The following PLD2 variants were observed in gnomAD, a reference collection of about 807,000 sequenced individuals.
PLD2 encodes choline phosphatase 2.
In PLD2, 101 loss-of-function variants were observed where a neutral mutation model predicts 119.8. The observed-to-expected ratio is 0.84, with a 90% CI of 0.72 to 0.99. The LOEUF (loss-of-function observed/expected upper bound fraction) is 0.99. Among genes scored for constraint, PLD2 ranks in the 50% least tolerant of loss-of-function variants. The probability of loss-of-function intolerance (pLI) is 0.00; values close to 1 mark genes in which losing one functional copy is unlikely to be tolerated. For synonymous variants in PLD2, 494 were observed against 482.8 expected, an observed-to-expected ratio of 1.02 and a Z score of -0.30; for missense variants, 1,164 against 1,226.8, an observed-to-expected ratio of 0.95 and a Z score of 0.76.
At chr17:4,822,457 A>G (rs1232047583) in intron 24 of PLD2, among the ~76,000 whole-genome samples, 183 bp from the exon 25 acceptor site, 3 of 150,972 alleles carry the variant, frequency 2.0e-5, no homozygotes, top group Non-Finnish European at 4.4e-5. Flanking sequence ...GCACCATTGC[A>G]CTCCAGCCTG....
At chr17:4,816,286 G>A (rs936205915) in intron 14 of PLD2, among the ~76,000 whole-genome samples, 2 of 151,946 alleles carry the variant, frequency 1.3e-5, no homozygotes, top group African/African-American at 4.8e-5. Context: ...GGGAGGCTGA[G>A]GCAGGAGAAT....
Position 4,823,107 on chromosome 17 carries a change from A to T in PLD2, c.*243A>T, listed in dbSNP as rs867903526. 2.0e-6 allele frequency: 1 copy of T among 493,162 alleles called. No individual in the cohort carries two copies. The highest frequency in any genetic ancestry group is 3.6e-6 in the Non-Finnish European group (1 of 277,184). 30.5% of individuals were successfully genotyped at this position (493,162 alleles called of 1,614,324 possible). A position where few individuals can be genotyped will look rare whatever the true frequency, so the allele number is the denominator to read the frequency against. Reference sequence around the variant, plus strand: ...CTCATCCCCCCTGCTGCCCAGTGCAAACCACTTCTCCATGCTGCAAAGGAG... The same window carrying T: ...CTCATCCCCCCTGCTGCCCAGTGCATACCACTTCTCCATGCTGCAAAGGAG... On this transcript the variant is annotated 3_prime_UTR_variant, in exon 25 of 25. Transcript: ENST00000263088.
chr17:4,820,900 G>A (rs1165658080), intron 23 of PLD2, among the ~76,000 whole-genome samples: 1 of 126,126 alleles, frequency 7.9e-6, no homozygotes, highest in African/African-American at 3.0e-5. Context: ...TTTGTGTTTT[G>A]TTTGTTTGTT....
intron 23 of PLD2, among the ~76,000 whole-genome samples, chr17:4,821,145 G>A (rs1014097707): frequency 6.7e-6 from 1 of 150,342 alleles, no homozygotes; most frequent in Non-Finnish European, 1.5e-5. Context: ...CTCGTGATCC[G>A]CCCATCTCAG....
In PLD2 at chr17:4,814,407, C is replaced by A; in HGVS notation, c.1011-11C>A. The A allele has an allele frequency of 6.2e-7, 1 of 1,605,458 alleles. No individual in the cohort carries two copies. On this transcript the variant is annotated splice_polypyrimidine_tract_variant and intron_variant, in intron 10 of 24. Coordinates refer to ENST00000263088, the MANE Select transcript of PLD2 (RefSeq NM_002663.5). Reference sequence around the variant, plus strand: ...GACTCCCCTGACCTCCTTGGCTTGGCCTCCCCCCAGGTTTGTGAATGGGGC... The same window carrying A: ...GACTCCCCTGACCTCCTTGGCTTGGACTCCCCCCAGGTTTGTGAATGGGGC...
In PLD2 at chr17:4,815,935, GTAAT is replaced by G; in HGVS notation, c.1455+2_1455+5del. On this transcript the variant is annotated splice_donor_variant and splice_donor_5th_base_variant and intron_variant, in intron 14 of 24. Coordinates refer to ENST00000263088, the MANE Select transcript of PLD2 (RefSeq NM_002663.5). LOFTEE classifies it high-confidence loss of function. Reference sequence around the variant, plus strand: ...CTCCTCTGAATCAGCTGCCTCCCAGGTAATCCCCCTGAGGCCTTCCTGAGCACCC... The same window carrying G: ...CTCCTCTGAATCAGCTGCCTCCCAGGCCCCCTGAGGCCTTCCTGAGCACCC... 2 of 1,611,002 alleles carry G rather than the reference GTAAT, an allele frequency of 1.2e-6. No homozygotes were observed. Among genetic ancestry groups the G allele is most frequent in the Non-Finnish European group, 1.7e-6 (2 of 1,177,334 alleles).
intron 11 of PLD2, 43 bp downstream of exon 11, chr17:4,814,544 C>T (rs933429501): frequency 6.2e-7 from 1 of 1,612,616 alleles, no homozygotes; most frequent in Admixed American, 1.7e-5. Context: ...AGGATAGAGC[C>T]TGGGGCAGAT....
intron 18 of PLD2, 67 bp downstream of exon 18, chr17:4,818,173 G>C: frequency 7.1e-7 from 1 of 1,405,492 alleles, no homozygotes; most frequent in Non-Finnish European, 1.0e-6. Context: ...TGGGGAATGA[G>C]TGGAGTCAGT....
In PLD2 at chr17:4,823,129, G is replaced by T; in HGVS notation, c.*265G>T. ...GCAAACCACTTCTCCATGCTGCAAA[G>T]GAGAAGCACAGCTCCTGCCAGGGTG... On this transcript the variant is annotated 3_prime_UTR_variant, in exon 25 of 25. Transcript: ENST00000263088. 1 of 419,756 alleles carries T rather than the reference G, an allele frequency of 2.4e-6. No homozygotes were observed. Among genetic ancestry groups the T allele is most frequent in the Non-Finnish European group, 4.3e-6 (1 of 234,842 alleles). The allele number at this position is 419,756 out of a possible 1,614,324, so 26.0% of individuals were successfully genotyped here.
Position 4,819,528 on chromosome 17 carries a change from G to A in PLD2, c.2408G>A (p.Gly803Glu), listed in dbSNP as rs1907423145. The change falls in exon 23 of 25, where the codon GGG becomes GAG. Residue 803 changes from glycine to glutamate, a missense_variant. Coordinates refer to ENST00000263088, the MANE Select transcript of PLD2 (RefSeq NM_002663.5). The surrounding 1 kb of genome is among the most constrained non-coding windows in gnomAD (Gnocchi z 4.2). ...DTETEPSLMN[G>E]AEYQAGRFAL... ...GAGACGGAACCATCCCTCATGAATG[G>A]GGCAGAGTATCAGGCGGGCAGGTTT... The A allele has an allele frequency of 6.2e-7, 1 of 1,613,876 alleles. No homozygotes were observed. The highest frequency in any genetic ancestry group is 1.7e-5 in the Admixed American group (1 of 59,966).
Position 4,807,758 on chromosome 17 carries a change from C to T in PLD2, c.-1-14C>T. 1 of 1,506,196 alleles carries T rather than the reference C, an allele frequency of 6.6e-7. No homozygotes were observed. The highest frequency in any genetic ancestry group is 1.1e-5 in the South Asian group (1 of 88,904). 93.3% of individuals were successfully genotyped at this position (1,506,196 alleles called of 1,614,324 possible). The stretch of plus-strand genomic sequence containing the variant: ...AGGACAGCTCGCCTCCCTGAGGCTT[C>T]CCAATGTTCCTAGGATGACGGCGAC... On this transcript the variant is annotated splice_polypyrimidine_tract_variant and intron_variant, in intron 1 of 24. Transcript: ENST00000263088. This position sits in a 1 kb window ranked among gnomAD's most constrained non-coding sequence, Gnocchi z 5.4.
At position 4,819,072 on chromosome 17, in the gene PLD2, C is replaced by T. The variant is rs1907350512; in HGVS notation, c.2174-12C>T. 2 of 1,613,776 alleles carry T rather than the reference C, an allele frequency of 1.2e-6. No individual in the cohort carries two copies. Among genetic ancestry groups the T allele is most frequent in the Non-Finnish European group, 1.7e-6 (2 of 1,179,850 alleles). On this transcript the variant is annotated splice_polypyrimidine_tract_variant and intron_variant, in intron 21 of 24. Transcript: ENST00000263088. This position sits in a 1 kb window ranked among gnomAD's most constrained non-coding sequence, Gnocchi z 4.2. Reference sequence around the variant, plus strand: ...AGCCACCTCTCACCTCACTTCCCCTCCTGTCACGCAGTGGGGACAGCATGG... The same window carrying T: ...AGCCACCTCTCACCTCACTTCCCCTTCTGTCACGCAGTGGGGACAGCATGG...
rs758060555 is a variant in PLD2 at position 4,809,126 on chromosome 17, G to A, written c.410G>A (p.Arg137Gln). Residue 137 changes from arginine to glutamine, a missense_variant, in exon 5 of 25, where the codon CGA becomes CAA. By Grantham distance (43) the Arg-to-Gln change is conservative (BLOSUM62 1). Coordinates refer to ENST00000263088, the MANE Select transcript of PLD2 (RefSeq NM_002663.5). ...TTTGCCGTTGCCTATTCTCCAGCCC[G>A]AGATGCAGGCAACAGAGAGATGCCC... is the stretch of plus-strand genomic sequence containing the variant. ...ARFAVAYSPA[R>Q]DAGNREMPSL... 25 of 1,614,008 alleles carry A rather than the reference G, an allele frequency of 1.5e-5. No homozygotes were observed. Among genetic ancestry groups the A allele is most frequent in the African/African-American group, 4.0e-5 (3 of 74,902 alleles).
At position 4,817,237 on chromosome 17, in the gene PLD2, G is replaced by A. The variant is rs750899742; in HGVS notation, c.1793G>A (p.Gly598Glu). 5.9e-5 allele frequency: 95 copies of A among 1,612,386 alleles called. No individual in the cohort carries two copies. The highest frequency in any genetic ancestry group is 7.8e-5 in the Non-Finnish European group (92 of 1,178,586). Residue 598 changes from glycine to glutamate, a missense_variant, in exon 17 of 25, where the codon GGA becomes GAA. Coordinates refer to ENST00000263088, the MANE Select transcript of PLD2 (RefSeq NM_002663.5). ...AATCAGCTCCCCTTCACACTTCCAG[G>A]AGGGCAGTGCACCACCGTACAGGTG... ...TANQLPFTLP[G>E]GQCTTVQVLR...
Position 4,815,560 on chromosome 17 carries a change from C to T in PLD2, c.1258C>T (p.Leu420=), listed in dbSNP as rs1473171424. ...GINSGYSKRA[L]MLLHPNIKVM... is the part of the protein sequence containing the mutation. ...CAACAGTGGCTATAGCAAGAGGGCG[C>T]TGATGCTGCTGCACCCCAACATAAA... The change falls in exon 13 of 25, where the codon CTG becomes TTG. Residue 420 remains leucine (L), a synonymous_variant. Coordinates refer to ENST00000263088, the MANE Select transcript of PLD2 (RefSeq NM_002663.5). 1 of 1,613,256 alleles carries T rather than the reference C, an allele frequency of 6.2e-7. No homozygotes were observed. Among genetic ancestry groups the T allele is most frequent in the Middle Eastern group, 1.7e-4 (1 of 6,016 alleles).
intron 10 of PLD2, among the ~76,000 whole-genome samples, chr17:4,813,642 TG>T: frequency 1.3e-5 from 2 of 152,138 alleles, no homozygotes; most frequent in Non-Finnish European, 2.9e-5. Context: ...GGTAGATCAT[TG>T]GGGTCAGGAG....
Position 4,814,480 on chromosome 17 carries a change from A to G in PLD2, c.1073A>G (p.Glu358Gly). ...VADAILRAQE[E>G]IFITDWWLSP... ...GATGCCATCCTTCGAGCTCAAGAGG[A>G]GATTTTCATCACAGACTGGTGGTGA... The change falls in exon 11 of 25, where the codon GAG becomes GGG. Residue 358 changes from glutamate (E) to glycine (G), a missense_variant. Glu to Gly is a moderately conservative substitution (Grantham distance 98). Coordinates refer to ENST00000263088, the MANE Select transcript of PLD2 (RefSeq NM_002663.5). 6.2e-7 allele frequency: 1 copy of G among 1,613,518 alleles called. No individual in the cohort carries two copies. The highest frequency in any genetic ancestry group is 8.5e-7 in the Non-Finnish European group (1 of 1,179,820).
rs535420276 is a variant in PLD2, at chr17:4,819,769, G to T, written c.2462+187G>T. 6.6e-6 allele frequency among the ~76,000 whole-genome samples: 1 copy of T among 151,820 alleles called. No individual in the cohort carries two copies. Among genetic ancestry groups the T allele is most frequent in the East Asian group, 2.0e-4 (1 of 5,124 alleles). ...TCCCAGCACTTTGGGAGGCCAAGGC[G>T]GGTGGATTGCCTGAGGTCAGGATTT... On this transcript the variant is annotated intron_variant, in intron 23 of 24. Coordinates refer to ENST00000263088, the MANE Select transcript of PLD2 (RefSeq NM_002663.5). This position sits in a 1 kb window ranked among gnomAD's most constrained non-coding sequence, Gnocchi z 4.2.
intron 10 of PLD2, among the ~76,000 whole-genome samples, chr17:4,812,928 T>C (rs1906622381): frequency 6.6e-6 from 1 of 152,156 alleles, no homozygotes; most frequent in Non-Finnish European, 1.5e-5. Flanking sequence ...TGGCACCTGA[T>C]CTCACAGGGT....
Sources: allele counts gnomAD v4.1 joint callset (sites outside exome capture counted in the v4.1 genomes callset), GRCh38; gene constraint gnomAD v4.1.1; non-coding constraint Gnocchi (gnomAD v3.1); transcripts MANE v1.5; gene names NCBI Gene and HGNC (gene_info 2026-07-23, HGNC 2026-07-21).